The following IP6K1 variants were observed in gnomAD, a reference collection of about 807,000 sequenced individuals.
IP6K1 encodes the protein ATP:1D-myo-inositol-hexakisphosphate phosphotransferase.
A neutral mutation model predicts 38.3 loss-of-function variants in IP6K1; 13 were observed. The observed-to-expected ratio is 0.34, with a 90% CI of 0.22 to 0.54. IP6K1 has a LOEUF of 0.54. IP6K1 is among the 20% of genes least tolerant of loss of function. The pLI is 0.92. For missense variants in IP6K1, 397 were observed against 599.8 expected (o/e 0.66, Z 3.53); for synonymous variants, 212 against 229.9 (o/e 0.92, Z 0.70).
intron 4 of IP6K1, among the ~76,000 whole-genome samples, chr3:49,732,573 T>G (rs1373737414): frequency 6.6e-6 from 1 of 152,162 alleles, no homozygotes; most frequent in Admixed American, 6.5e-5. Context: ...GACAACACTG[T>G]TCTAGACTGC....
intron 1 of IP6K1, among the ~76,000 whole-genome samples, chr3:49,764,071 A>T (rs2080888474): frequency 6.6e-6 from 1 of 151,880 alleles, no homozygotes; most frequent in Non-Finnish European, 1.5e-5. Flanking sequence ...TTCCTCACTT[A>T]ATAAAGGGTA....
chr3:49,760,929 A>T (rs1294124476), intron 1 of IP6K1, among the ~76,000 whole-genome samples: 1 of 152,224 alleles, frequency 6.6e-6, no homozygotes, highest in African/African-American at 2.4e-5. Flanking sequence ...TCTCAGAGTG[A>T]GGTAATATAT....
intron 1 of IP6K1, among the ~76,000 whole-genome samples, chr3:49,766,067 T>C (rs1559712962): frequency 6.6e-6 from 1 of 151,978 alleles, no homozygotes; most frequent in Non-Finnish European, 1.5e-5. Flanking sequence ...TCCCAGCTAC[T>C]TGGAAGGCTG....
intron 1 of IP6K1, among the ~76,000 whole-genome samples, chr3:49,768,322 C>T (rs1383582370): frequency 2.0e-5 from 3 of 152,070 alleles, no homozygotes; most frequent in African/African-American, 4.8e-5. Context: ...TAAAGATATG[C>T]GGTATATACA....
chr3:49,745,037 C>T (rs1338663505), intron 2 of IP6K1, among the ~76,000 whole-genome samples: 1 of 151,828 alleles, frequency 6.6e-6, no homozygotes, highest in Non-Finnish European at 1.5e-5. Flanking sequence ...ATTCATTTAT[C>T]AAGTATTTAC....
In IP6K1 at chr3:49,726,236, C is replaced by T. The variant is rs1355337215; in HGVS notation, c.*886G>A. ...ATGAGACCCTGAGCGGACCACAGCC[C>T]TTGAGCCCTGGGAGGAGCAGCCCAT... On this transcript the variant is annotated 3_prime_UTR_variant, in exon 6 of 6. Coordinates refer to ENST00000321599, the MANE Select transcript of IP6K1 (RefSeq NM_153273.4). 1.3e-5 allele frequency: 2 copies of T among 152,900 alleles called. No individual in the cohort carries two copies. Among genetic ancestry groups the T allele is most frequent in the Non-Finnish European group, 2.9e-5 (2 of 68,222 alleles). 9.5% of individuals were successfully genotyped at this position (152,900 alleles called of 1,614,324 possible).
chr3:49,756,824 AAAAAAAAAAAAAAAAAAG>A (rs986868430), intron 1 of IP6K1, among the ~76,000 whole-genome samples: 13 of 32,256 alleles, frequency 4.0e-4, no homozygotes, highest in East Asian at 0.012. Flanking sequence ...TCTCAAAAAA[AAAAAAAAAAAAAAAAAAG>A]AAAAAAGAAA....
rs1244840933 is a variant in IP6K1, at chr3:49,727,841, C to G, written c.793-186G>C. Among the ~76,000 whole-genome samples the G allele has an allele frequency of 6.6e-6, 1 of 152,202 alleles. No individual in the cohort carries two copies. Among genetic ancestry groups the G allele is most frequent in the East Asian group, 1.9e-4 (1 of 5,200 alleles). On this transcript the variant is annotated intron_variant, in intron 5 of 5. Transcript: ENST00000321599. The surrounding 1 kb of genome is among the most constrained non-coding windows in gnomAD (Gnocchi z 5.9). ...ATTGCAGAACCAAGAGAAAGCAATA[C>G]CAGGCCTATGGGTTCCCTGCCCCCA...
intron 1 of IP6K1, among the ~76,000 whole-genome samples, chr3:49,754,222 A>G (rs2080802782): frequency 6.6e-6 from 1 of 152,170 alleles, no homozygotes; most frequent in Non-Finnish European, 1.5e-5. Flanking sequence ...AAAAAATTAC[A>G]AAAATTAGCC....
At chr3:49,764,313 T>C (rs1575322203) in intron 1 of IP6K1, among the ~76,000 whole-genome samples, 1 of 152,012 alleles carries the variant, frequency 6.6e-6, no homozygotes, top group East Asian at 1.9e-4. Context: ...TTTCAGGAGT[T>C]CAATGCTGCA....
chr3:49,770,155 C>T (rs376855155), intron 1 of IP6K1, among the ~76,000 whole-genome samples: 6 of 152,260 alleles, frequency 3.9e-5, no homozygotes, highest in African/African-American at 1.2e-4. Flanking sequence ...GCTGTGATCA[C>T]CACTTCACTC....
At chr3:49,731,662 C>G (rs1451102807) in intron 4 of IP6K1, among the ~76,000 whole-genome samples, 2 of 152,028 alleles carry the variant, frequency 1.3e-5, no homozygotes, top group African/African-American at 4.8e-5. Flanking sequence ...AGCACACTTT[C>G]CCTCAGTTTC....
intron 4 of IP6K1, among the ~76,000 whole-genome samples, chr3:49,728,917 C>G (rs907138536): frequency 1.3e-5 from 2 of 151,780 alleles, no homozygotes; most frequent in Admixed American, 1.3e-4. Flanking sequence ...ATCCTCTCAC[C>G]CTCAGCCTCT....
chr3:49,772,792 T>C (rs193193812), intron 1 of IP6K1, among the ~76,000 whole-genome samples: 10 of 151,878 alleles, frequency 6.6e-5, no homozygotes, highest in South Asian at 6.2e-4. Context: ...AGACAGGGTC[T>C]CACTACGTTG....
At chr3:49,777,503 C>T (rs955853106) in intron 1 of IP6K1, among the ~76,000 whole-genome samples, 21 of 150,906 alleles carry the variant, frequency 1.4e-4, no homozygotes, top group African/African-American at 4.9e-4. Flanking sequence ...GTGGAGGTTA[C>T]AGTGAGTGGA....
rs1268969944 is a variant in IP6K1 at position 49,738,194 on chromosome 3, G to A, written c.434+18C>T. 1.6e-5 allele frequency: 25 copies of A among 1,603,136 alleles called. No homozygotes were observed. The highest frequency in any genetic ancestry group is 2.1e-5 in the Non-Finnish European group (25 of 1,170,226). On this transcript the variant is annotated intron_variant, in intron 3 of 5. Coordinates refer to ENST00000321599, the MANE Select transcript of IP6K1 (RefSeq NM_153273.4). Reference sequence around the variant, plus strand: ...TCTTGAGTGCTTGTACCAGCAGGACGAAACATGTACCTCTTACCTCTCAGA... The same window carrying A: ...TCTTGAGTGCTTGTACCAGCAGGACAAAACATGTACCTCTTACCTCTCAGA...
At chr3:49,737,310 T>C (rs1205674987) in intron 3 of IP6K1, among the ~76,000 whole-genome samples, 4 of 152,174 alleles carry the variant, frequency 2.6e-5, no homozygotes, top group Non-Finnish European at 5.9e-5. Flanking sequence ...CTTCACATCT[T>C]GTCAACACTT....
chr3:49,747,789 T>G (rs372042822), intron 2 of IP6K1, 29 bp downstream of exon 2: 8 of 1,613,902 alleles, frequency 5.0e-6, no homozygotes, highest in African/African-American at 4.0e-5. Flanking sequence ...CCAAGGCTGC[T>G]GCTTTCATTA....
At chr3:49,728,791 G>T (rs2080536152) in intron 4 of IP6K1, among the ~76,000 whole-genome samples, 1 of 151,960 alleles carries the variant, frequency 6.6e-6, no homozygotes, top group African/African-American at 2.4e-5. Context: ...TGGCCAGGCT[G>T]GTCTCGAACT....
Sources: allele counts gnomAD v4.1 joint callset (sites outside exome capture counted in the v4.1 genomes callset), GRCh38; gene constraint gnomAD v4.1.1; non-coding constraint Gnocchi (gnomAD v3.1); transcripts MANE v1.5; gene names NCBI Gene and HGNC (gene_info 2026-07-23, HGNC 2026-07-21).